Variants in RERE observed in about 807,000 individuals in gnomAD.
RERE encodes arginine-glutamic acid dipeptide repeats protein.
Under a neutral mutation model 146.1 loss-of-function variants are expected in RERE, and 40 were observed. The observed-to-expected ratio is 0.27, with a 90% CI of 0.21 to 0.36. The LOEUF is 0.36. Ranked by LOEUF, RERE falls within the 10% of genes least tolerant of loss-of-function variation. The probability of loss-of-function intolerance (pLI) is 1.00; values close to 1 mark genes in which losing one functional copy is unlikely to be tolerated. For synonymous variants in RERE, 1,003 were observed against 866.0 expected (o/e 1.16, Z -2.78); for missense variants, 1,933 against 2,138.7 (o/e 0.90, Z 1.90).
At chr1:8,542,018 T>C (rs1291938598) in intron 6 of RERE, among the ~76,000 whole-genome samples, 2 of 152,170 alleles carry the variant, frequency 1.3e-5, no homozygotes, top group African/African-American at 4.8e-5. Context: ...CAACCTGTAG[T>C]TGAAAACCCT....
intron 7 of RERE, among the ~76,000 whole-genome samples, chr1:8,539,189 TAG>T (rs1406488528): frequency 6.6e-6 from 1 of 152,190 alleles, no homozygotes; most frequent in Non-Finnish European, 1.5e-5. Context: ...CCTTTGTATC[TAG>T]AGAGAAATCC....
At chr1:8,390,851 T>C (rs1044467744) in intron 12 of RERE, among the ~76,000 whole-genome samples, 8 of 151,376 alleles carry the variant, frequency 5.3e-5, no homozygotes, top group African/African-American at 1.9e-4. Context: ...CAGCGGGGGG[T>C]CCTCCCTGAC....
chr1:8,802,785 A>G (rs932261964), intron 1 of RERE, among the ~76,000 whole-genome samples: 1 of 152,162 alleles, frequency 6.6e-6, no homozygotes, highest in African/African-American at 2.4e-5. Context: ...TATTTCACTA[A>G]AGCATATAAT....
At chr1:8,644,996 C>A (rs1647252086) in intron 2 of RERE, among the ~76,000 whole-genome samples, 1 of 152,146 alleles carries the variant, frequency 6.6e-6, no homozygotes, top group African/African-American at 2.4e-5. Flanking sequence ...TTGGCTTTAA[C>A]CAGTTCTCAC....
At chr1:8,497,294 A>G in intron 9 of RERE, 111 bp downstream of exon 9, 1 of 1,177,678 alleles carries the variant, frequency 8.5e-7, no homozygotes, top group Admixed American at 2.3e-5. Flanking sequence ...ACTTAAAGTC[A>G]GAGAACGCCC....
At chr1:8,373,824 A>AC (rs1642134976) in intron 12 of RERE, among the ~76,000 whole-genome samples, 1 of 152,210 alleles carries the variant, frequency 6.6e-6, no homozygotes, top group African/African-American at 2.4e-5. Context: ...ACTGGGCAGA[A>AC]CCAGCAGCGA....
rs561389837 is a variant in RERE, at chr1:8,622,954, A to G, written c.396+1356T>C. 3.9e-4 allele frequency among the ~76,000 whole-genome samples: 60 copies of G among 152,328 alleles called. 1 individual carries two copies. The South Asian group carries it at 0.012, about 30-fold the overall frequency. Reference sequence around the variant, plus strand: ...TCAAATTACAAAGGGTGTTGGAAATAAGAGCATTCACAGATAGTGATACAC... The same window carrying G: ...TCAAATTACAAAGGGTGTTGGAAATGAGAGCATTCACAGATAGTGATACAC... On this transcript the variant is annotated intron_variant, in intron 3 of 22. Transcript: ENST00000400908.
intron 7 of RERE, chr1:8,519,607 A>G (rs1472240828): frequency 2.0e-5 from 3 of 152,210 alleles, no homozygotes; most frequent in African/African-American, 7.2e-5. Context: ...TAGACATAGT[A>G]CCTATTGCTT....
chr1:8,606,570 C>T (rs1012569110), intron 4 of RERE, among the ~76,000 whole-genome samples: 2 of 152,074 alleles, frequency 1.3e-5, no homozygotes, highest in African/African-American at 4.8e-5. Flanking sequence ...AAAAAATAGG[C>T]CTTTTTCCTT....
chr1:8,624,225 G>C, intron 3 of RERE, 85 bp downstream of exon 3: 1 of 1,083,228 alleles, frequency 9.2e-7, no homozygotes, highest in Non-Finnish European at 1.4e-6. Context: ...CGTCAACAGC[G>C]ATGGAGGAAC....
intron 7 of RERE, chr1:8,511,687 G>C (rs1214885018): frequency 6.6e-6 from 1 of 152,140 alleles, no homozygotes; most frequent in Non-Finnish European, 1.5e-5. Flanking sequence ...GCATCCAGCT[G>C]TATCTGGATC....
At chr1:8,521,963 T>C (rs370857432) in intron 7 of RERE, among the ~76,000 whole-genome samples, 16 of 152,254 alleles carry the variant, frequency 1.1e-4, no homozygotes, top group African/African-American at 3.1e-4. Flanking sequence ...TCAAAGAAGT[T>C]TGATAGAAAT....
intron 12 of RERE, among the ~76,000 whole-genome samples, chr1:8,369,925 G>A (rs766688310): frequency 2.8e-4 from 42 of 152,164 alleles, no homozygotes; most frequent in Non-Finnish European, 5.7e-4. Flanking sequence ...GAGTAGCTGG[G>A]ACTACAGGAG....
At chr1:8,680,638 T>G (rs1638942669) in intron 1 of RERE, among the ~76,000 whole-genome samples, 1 of 152,104 alleles carries the variant, frequency 6.6e-6, no homozygotes, top group African/African-American at 2.4e-5. Flanking sequence ...ACTGTGGGCT[T>G]CAGGGTAAAA....
intron 12 of RERE, among the ~76,000 whole-genome samples, chr1:8,378,664 T>C (rs1409536628): frequency 2.0e-5 from 3 of 152,204 alleles, no homozygotes; most frequent in African/African-American, 7.2e-5. Flanking sequence ...CCTACTGAAC[T>C]CTGGTCTTGG....
At chr1:8,738,681 C>T (rs767375003) in intron 1 of RERE, among the ~76,000 whole-genome samples, 3 of 152,134 alleles carry the variant, frequency 2.0e-5, no homozygotes, top group Non-Finnish European at 4.4e-5. Flanking sequence ...ATGCTCAGTG[C>T]TTTATATAAT....
intron 1 of RERE, among the ~76,000 whole-genome samples, chr1:8,665,017 C>A (rs145116594): frequency 1.5e-3 from 231 of 152,170 alleles, no homozygotes; most frequent in African/African-American, 5.3e-3. Context: ...CCTTTTTTCG[C>A]TTCATCTCTC....
At chr1:8,763,007 A>C (rs1170985784) in intron 1 of RERE, among the ~76,000 whole-genome samples, 1 of 152,324 alleles carries the variant, frequency 6.6e-6, no homozygotes, top group Admixed American at 6.5e-5. Flanking sequence ...AGACTAAAAG[A>C]AGTTAGGGTC....
rs983049138 is a variant in RERE at position 8,438,392 on chromosome 1, A to C, written c.1204-15585T>G. The stretch of plus-strand genomic sequence containing the variant: ...GACCTACTAAAACATCTGTTACAAC[A>C]GCATATAGTAAGGCAGAATCTTTGC... On this transcript the variant is annotated intron_variant, in intron 11 of 22. Transcript: ENST00000400908. Among the ~76,000 whole-genome samples the C allele has an allele frequency of 2.6e-5, 4 of 152,370 alleles. 1 individual carries two copies. The South Asian group carries it at 8.3e-4, about 32-fold the overall frequency.
Sources: allele counts gnomAD v4.1 joint callset (sites outside exome capture counted in the v4.1 genomes callset), GRCh38; gene constraint gnomAD v4.1.1; transcripts MANE v1.5; gene names NCBI Gene and HGNC (gene_info 2026-07-23, HGNC 2026-07-21).